Variants in MCC observed in about 807,000 individuals in gnomAD.
MCC encodes colorectal mutant cancer protein.
In MCC, 90 loss-of-function variants were observed where a neutral mutation model predicts 116.2. The observed-to-expected ratio is 0.77, with a 90% CI of 0.65 to 0.92. The LOEUF is 0.92. Ranked by LOEUF, MCC falls within the 40% of genes least tolerant of loss-of-function variation. The probability of loss-of-function intolerance (pLI) is 0.00; values close to 1 mark genes in which losing one functional copy is unlikely to be tolerated. For synonymous variants in MCC, 578 were observed against 510.5 expected (o/e 1.13, Z -1.78); for missense variants, 1,516 against 1,312.2 (o/e 1.16, Z -2.40).
intron 3 of MCC, among the ~76,000 whole-genome samples, chr5:113,333,828 T>TACATATGTACACATATGTAC (rs71687516): frequency 8.1e-5 from 1 of 12,274 alleles, no homozygotes; most frequent in African/African-American, 1.2e-4. Context: ...TACATATATG[T>TACATATGTACACATATGTAC]ATATATGTAT....
At chr5:113,117,437 C>T (rs1006284899) in intron 6 of MCC, among the ~76,000 whole-genome samples, 4 of 152,288 alleles carry the variant, frequency 2.6e-5, no homozygotes, top group Non-Finnish European at 4.4e-5. Context: ...GGACACCTTG[C>T]GGGTATAAGA....
At chr5:113,209,409 G>A (rs1261125165) in intron 3 of MCC, among the ~76,000 whole-genome samples, 12 of 152,142 alleles carry the variant, frequency 7.9e-5, no homozygotes, top group African/African-American at 1.4e-4. Flanking sequence ...AGACGGTGCC[G>A]ATGGCAATTC....
At chr5:113,436,639 C>T (rs558485569) in intron 1 of MCC, 1 of 152,360 alleles carries the variant, frequency 6.6e-6, no homozygotes, top group South Asian at 2.1e-4. Flanking sequence ...GGAAAATCTA[C>T]ATTCTGTGAA....
intron 3 of MCC, among the ~76,000 whole-genome samples, chr5:113,200,395 T>C (rs936280020): frequency 5.3e-5 from 8 of 152,182 alleles, no homozygotes; most frequent in African/African-American, 1.9e-4. Context: ...TCAAGATGAC[T>C]TGACAGTGAA....
intron 3 of MCC, among the ~76,000 whole-genome samples, chr5:113,210,445 C>G (rs1763089311): frequency 1.3e-5 from 2 of 152,270 alleles, no homozygotes; most frequent in South Asian, 2.1e-4. Context: ...CCAACACATA[C>G]ATAAAACCAT....
rs550465638 is a variant in MCC, at chr5:113,061,669, G to A, written c.2213+2315C>T. Reference sequence around the variant, plus strand: ...CTCTAAAACCATTAACCCTCCTGTCGTTAGGAGCTGCCTATGGGCTGCCAG... The same window carrying A: ...CTCTAAAACCATTAACCCTCCTGTCATTAGGAGCTGCCTATGGGCTGCCAG... On this transcript the variant is annotated intron_variant, in intron 14 of 18. Transcript: ENST00000408903. Among the ~76,000 whole-genome samples the A allele has an allele frequency of 5.9e-5, 9 of 152,224 alleles. No individual in the cohort carries two copies. In the South Asian group the frequency reaches 1.0e-3, roughly 18 times the overall value.
At chr5:113,195,268 T>C (rs2900071) in intron 3 of MCC, among the ~76,000 whole-genome samples, 102,028 of 152,106 alleles carry the variant, frequency 0.67, 36,469 homozygotes, top group Admixed American at 0.8. Flanking sequence ...TGTTCCTTAA[T>C]GGCACCCAGC....
At chr5:113,151,974 T>C (rs1169722327) in intron 3 of MCC, among the ~76,000 whole-genome samples, 2 of 152,152 alleles carry the variant, frequency 1.3e-5, no homozygotes, top group East Asian at 3.8e-4. Flanking sequence ...TATTTTCTTG[T>C]TGGGTCTTCC....
intron 17 of MCC, among the ~76,000 whole-genome samples, chr5:113,041,737 G>A (rs1751717522): frequency 6.6e-6 from 1 of 152,242 alleles, no homozygotes; most frequent in South Asian, 2.1e-4. Context: ...GCTCATGCCT[G>A]TAATCAGAGC....
At chr5:113,442,979 C>T (rs1030277716) in intron 1 of MCC, among the ~76,000 whole-genome samples, 4 of 152,130 alleles carry the variant, frequency 2.6e-5, no homozygotes, top group Non-Finnish European at 2.9e-5. Context: ...TTTGGCTATG[C>T]AAGGTCTTTT....
intron 6 of MCC, among the ~76,000 whole-genome samples, chr5:113,106,568 T>A (rs1756744699): frequency 2.0e-5 from 3 of 152,066 alleles, no homozygotes; most frequent in Admixed American, 2.0e-4. Flanking sequence ...AGAGACAGGG[T>A]CTTGCTCTGT....
chr5:113,348,366 T>C (rs55668675), intron 2 of MCC, among the ~76,000 whole-genome samples: 2,024 of 152,226 alleles, frequency 0.013, 51 homozygotes, highest in African/African-American at 0.046. Flanking sequence ...ATCAAGCATC[T>C]TCTTTGACCA....
chr5:113,096,732 A>G (rs1447541145), intron 8 of MCC, among the ~76,000 whole-genome samples: 2 of 152,192 alleles, frequency 1.3e-5, no homozygotes, highest in African/African-American at 4.8e-5. Context: ...TGGATCAGAG[A>G]CGTGCACCTG....
intron 3 of MCC, among the ~76,000 whole-genome samples, chr5:113,227,549 G>A (rs1419354808): frequency 1.3e-5 from 2 of 152,244 alleles, no homozygotes; most frequent in African/African-American, 2.4e-5. Flanking sequence ...ATTCATTCAT[G>A]TAACTAATAT....
At chr5:113,053,093 G>A (rs897884191) in intron 15 of MCC, among the ~76,000 whole-genome samples, 14 of 152,278 alleles carry the variant, frequency 9.2e-5, no homozygotes, top group African/African-American at 1.4e-4. Context: ...TAGGTATGGC[G>A]GTTTAACTAC....
chr5:113,253,303 TC>T (rs1262481478), intron 3 of MCC, among the ~76,000 whole-genome samples: 1 of 152,140 alleles, frequency 6.6e-6, no homozygotes, highest in African/African-American at 2.4e-5. Flanking sequence ...TAGCATGGCC[TC>T]CTTTTCACCA....
At chr5:113,372,997 T>C (rs1434562529) in intron 2 of MCC, among the ~76,000 whole-genome samples, 3 of 151,994 alleles carry the variant, frequency 2.0e-5, no homozygotes, top group Admixed American at 2.0e-4. Flanking sequence ...GCTAACACCA[T>C]GAAACCCCGT....
intron 3 of MCC, among the ~76,000 whole-genome samples, chr5:113,332,126 T>G (rs1767711440): frequency 1.3e-5 from 2 of 151,724 alleles, no homozygotes; most frequent in African/African-American, 4.9e-5. Flanking sequence ...TTTTTTAGTT[T>G]CTATTTCCAA....
At chr5:113,276,287 G>A (rs1235031946) in intron 3 of MCC, among the ~76,000 whole-genome samples, 2 of 152,094 alleles carry the variant, frequency 1.3e-5, no homozygotes, top group Admixed American at 1.3e-4. Flanking sequence ...ACAACAGATG[G>A]TCCTAATTTA....
Sources: gnomAD v4.1 joint callset for allele counts (sites outside exome capture counted in the v4.1 genomes callset) on GRCh38, gnomAD v4.1.1 for gene constraint, MANE v1.5 for transcripts, NCBI Gene and HGNC (gene_info 2026-07-23, HGNC 2026-07-21) for gene names.